CRTAC1: variants seen among roughly 807,000 people sequenced by gnomAD.
CRTAC1 encodes cartilage acidic protein 1, also known as acidic secreted protein in cartilage.
Under a neutral mutation model 67.8 loss-of-function variants are expected in CRTAC1, and 37 were observed. The observed-to-expected ratio is 0.55, with a 90% CI of 0.42 to 0.72. CRTAC1 has a LOEUF of 0.72. Among genes scored for constraint, CRTAC1 ranks in the 30% least tolerant of loss-of-function variants. CRTAC1 has a pLI of 0.00. For missense variants in CRTAC1, 780 were observed against 931.6 expected, an observed-to-expected ratio of 0.84 and a Z score of 2.12; for synonymous variants, 348 against 371.0, an observed-to-expected ratio of 0.94 and a Z score of 0.71.
chr10:97,865,810 C>G (rs2136521135), intron 14 of CRTAC1, 96 bp from the exon 15 acceptor site: 39 of 686,188 alleles, frequency 5.7e-5, no homozygotes, highest in East Asian at 2.2e-4. Context: ...TGGGCTCACC[C>G]TGCTGCCCGG....
At chr10:97,923,622 TGGCCCAGGC>T (rs2050872635) in intron 3 of CRTAC1, among the ~76,000 whole-genome samples, 1 of 152,168 alleles carries the variant, frequency 6.6e-6, no homozygotes, top group African/African-American at 2.4e-5. Flanking sequence ...TGAAGATGGC[TGGCCCAGGC>T]CTCAGGAACT....
At chr10:97,984,697 A>C (rs577161879) in intron 2 of CRTAC1, among the ~76,000 whole-genome samples, 2 of 152,306 alleles carry the variant, frequency 1.3e-5, no homozygotes, top group Non-Finnish European at 2.9e-5. Flanking sequence ...AACCAGGTAC[A>C]TGACCTTCCA....
At chr10:97,896,786 A>G (rs2050465383) in intron 9 of CRTAC1, 123 bp downstream of exon 9, 5 of 578,814 alleles carry the variant, frequency 8.6e-6, no homozygotes, top group Non-Finnish European at 1.4e-5. Context: ...CTCAGCCCTC[A>G]GTGTGGCAGG....
chr10:97,903,038 G>C (rs1564886339), intron 7 of CRTAC1, among the ~76,000 whole-genome samples: 1 of 151,850 alleles, frequency 6.6e-6, no homozygotes, highest in Non-Finnish European at 1.5e-5. Context: ...GAGCTTCCGA[G>C]ATAATGTATG....
intron 1 of CRTAC1, among the ~76,000 whole-genome samples, chr10:98,015,409 G>A (rs980737308): frequency 6.6e-6 from 1 of 152,142 alleles, no homozygotes; most frequent in African/African-American, 2.4e-5. Context: ...AGATGAAGAA[G>A]TTCTGAAGGT....
At chr10:97,885,892 T>C (rs914866141) in intron 11 of CRTAC1, among the ~76,000 whole-genome samples, 3 of 152,236 alleles carry the variant, frequency 2.0e-5, no homozygotes, top group Non-Finnish European at 1.5e-5. Flanking sequence ...TTTCCTAATA[T>C]ATGTAGATAC....
intron 2 of CRTAC1, among the ~76,000 whole-genome samples, chr10:97,967,703 A>G (rs141264399): frequency 4.6e-5 from 7 of 152,350 alleles, no homozygotes; most frequent in African/African-American, 7.2e-5. Flanking sequence ...CAACATTAAA[A>G]AAAAACATTC....
chr10:97,928,208 GAGTCC>G (rs10579038), intron 3 of CRTAC1, among the ~76,000 whole-genome samples: 118,576 of 151,714 alleles, frequency 0.78, 48,433 homozygotes, highest in Non-Finnish European at 0.89. Context: ...GAAGGTCTCA[GAGTCC>G]AGTCCAGTAG....
intron 4 of CRTAC1, among the ~76,000 whole-genome samples, chr10:97,922,638 G>A (rs1439045975): frequency 6.6e-6 from 1 of 152,242 alleles, no homozygotes; most frequent in African/African-American, 2.4e-5. Context: ...GCAGATGGCT[G>A]CAGTGGCTCA....
intron 14 of CRTAC1, chr10:97,867,394 C>G (rs1311806893): frequency 6.6e-6 from 1 of 152,246 alleles, no homozygotes. Context: ...ATGTGCAAGA[C>G]CAGCCACTGG....
intron 3 of CRTAC1, among the ~76,000 whole-genome samples, chr10:97,929,079 G>A (rs74470088): frequency 0.015 from 2,209 of 152,044 alleles, 54 homozygotes; most frequent in African/African-American, 0.049. Context: ...GAGTGTGGCC[G>A]GCAGAGTGAG....
intron 8 of CRTAC1, 45 bp downstream of exon 8, chr10:97,901,458 C>A (rs1302121240): frequency 6.2e-7 from 1 of 1,612,888 alleles, no homozygotes; most frequent in East Asian, 2.2e-5. Flanking sequence ...TTCCTCCCAC[C>A]AGCTGTCAAG....
intron 12 of CRTAC1, 40 bp downstream of exon 12, chr10:97,884,166 C>T (rs1466489095): frequency 1.9e-6 from 3 of 1,543,266 alleles, no homozygotes; most frequent in Non-Finnish European, 2.6e-6. Context: ...GTGGGTGGTG[C>T]CCGCTTTTCT....
chr10:97,997,230 T>TATAATA (rs111567944), intron 2 of CRTAC1, among the ~76,000 whole-genome samples: 3,095 of 131,672 alleles, frequency 0.024, 58 homozygotes, highest in African/African-American at 0.047. Context: ...AAACTTAAAG[T>TATAATA]ATAATAATAA....
chr10:97,961,462 A>AT (rs1254508316), intron 2 of CRTAC1, among the ~76,000 whole-genome samples: 1 of 152,224 alleles, frequency 6.6e-6, no homozygotes, highest in African/African-American at 2.4e-5. Context: ...TTTTAATATA[A>AT]TTTTTTAAAA....
intron 5 of CRTAC1, among the ~76,000 whole-genome samples, chr10:97,916,511 C>A (rs1045695087): frequency 1.4e-4 from 21 of 152,124 alleles, no homozygotes; most frequent in Admixed American, 1.4e-3. Flanking sequence ...CAGTGACAAC[C>A]CTTTCTGGGC....
chr10:97,936,075 C>T (rs2051081564), intron 3 of CRTAC1, 95 bp downstream of exon 3: 4 of 1,227,930 alleles, frequency 3.3e-6, no homozygotes, highest in African/African-American at 1.5e-5. Context: ...ATGACAGTTG[C>T]CTGAGGAAGG....
chr10:97,883,773 C>A (rs1236229401), intron 12 of CRTAC1, among the ~76,000 whole-genome samples: 2 of 152,200 alleles, frequency 1.3e-5, no homozygotes, highest in African/African-American at 2.4e-5. Context: ...CCTCAAAGAG[C>A]CTCCAGAAAA....
At chr10:98,002,138 TG>T (rs1341987115) in intron 2 of CRTAC1, among the ~76,000 whole-genome samples, 1 of 152,016 alleles carries the variant, frequency 6.6e-6, no homozygotes, top group Non-Finnish European at 1.5e-5. Flanking sequence ...TTAAAAAAAA[TG>T]GGAATAAGAG....
Sources: allele counts gnomAD v4.1 joint callset (sites outside exome capture counted in the v4.1 genomes callset), GRCh38; gene constraint gnomAD v4.1.1; transcripts MANE v1.5; gene names NCBI Gene and HGNC (gene_info 2026-07-23, HGNC 2026-07-21).